The following UBTD1 variants were observed in gnomAD, a reference collection of about 807,000 sequenced individuals.
UBTD1 encodes the protein ubiquitin domain containing 1, also known as ubiquitin domain-containing protein 1.
In UBTD1, 19 loss-of-function variants were observed where a neutral mutation model predicts 21.7. That is an observed-to-expected ratio of 0.87 (90% confidence interval 0.61 to 1.28). The LOEUF (loss-of-function observed/expected upper bound fraction) is 1.28, where lower values mean the gene tolerates loss of function less well. Among genes scored for constraint, UBTD1 ranks in the 50% most tolerant of loss-of-function variants. The pLI, the probability that UBTD1 is intolerant of heterozygous loss-of-function variation, is 0.00. For missense variants in UBTD1, 282 were observed against 315.1 expected, an observed-to-expected ratio of 0.89 and a Z score of 0.80; for synonymous variants, 116 against 135.1, an observed-to-expected ratio of 0.86 and a Z score of 0.98.
At chr10:97,527,149 A>G (rs572389046) in intron 1 of UBTD1, among the ~76,000 whole-genome samples, 56 of 147,970 alleles carry the variant, frequency 3.8e-4, no homozygotes, top group African/African-American at 1.4e-3. Flanking sequence ...CAGCCTAGGC[A>G]ACAAAGCGAA....
chr10:97,551,165 C>G (rs2040635571), intron 1 of UBTD1, among the ~76,000 whole-genome samples: 1 of 152,144 alleles, frequency 6.6e-6, no homozygotes, highest in Non-Finnish European at 1.5e-5. Flanking sequence ...CCAGGAGATC[C>G]TAATACGGGA....
rs1395291976 is a variant in UBTD1 at position 97,567,937 on chromosome 10, G to C, written c.94G>C (p.Glu32Gln). 6.2e-7 allele frequency: 1 copy of C among 1,614,182 alleles called. No homozygotes were observed. Among genetic ancestry groups the C allele is most frequent in the East Asian group, 2.2e-5 (1 of 44,878 alleles). The change falls in exon 2 of 3, where the codon GAG (glutamate) becomes CAG (glutamine). Residue 32 changes from glutamate (E) to glutamine (Q), a missense_variant. By Grantham distance (29) the Glu-to-Gln change is conservative. Transcript: ENST00000370664. ...AGGACGCAATGAGCCCCTGAAGAAA[G>C]AGCGGCTTAAGTGGAAGAGCGACTA... The part of the protein sequence containing the change: ...RAGRNEPLKK[E>Q]RLKWKSDYPM...
chr10:97,517,519 G>T (rs1358296513), intron 1 of UBTD1, among the ~76,000 whole-genome samples: 1 of 152,198 alleles, frequency 6.6e-6, no homozygotes, highest in Non-Finnish European at 1.5e-5. Context: ...GAGGTGTGGG[G>T]AAGGGCTGAG....
chr10:97,505,578 G>C (rs1050163343), intron 1 of UBTD1, among the ~76,000 whole-genome samples: 2 of 152,228 alleles, frequency 1.3e-5, no homozygotes, highest in Non-Finnish European at 2.9e-5. Context: ...GCTACACAGT[G>C]TGCTCAGATA....
intron 1 of UBTD1, among the ~76,000 whole-genome samples, chr10:97,512,483 C>T (rs887567922): frequency 1.3e-5 from 2 of 152,324 alleles, no homozygotes; most frequent in Non-Finnish European, 2.9e-5. Context: ...TTGGCCATAA[C>T]TTATTGCTTG....
intron 1 of UBTD1, among the ~76,000 whole-genome samples, chr10:97,523,165 G>A (rs150910168): frequency 6.6e-6 from 1 of 152,342 alleles, no homozygotes; most frequent in East Asian, 1.9e-4. Context: ...TGCTCTGGAT[G>A]CTGCCTGCCA....
At chr10:97,562,422 C>T (rs987983899) in intron 1 of UBTD1, among the ~76,000 whole-genome samples, 4 of 152,132 alleles carry the variant, frequency 2.6e-5, no homozygotes, top group African/African-American at 7.2e-5. Flanking sequence ...GTGGCATTAT[C>T]GTTAGTTCTT....
intron 1 of UBTD1, among the ~76,000 whole-genome samples, chr10:97,547,699 G>A (rs113340751): frequency 0.015 from 2,209 of 152,106 alleles, 48 homozygotes; most frequent in African/African-American, 0.051. Context: ...TGAGTAACTG[G>A]GACTACAGGC....
At chr10:97,555,049 C>A (rs1478859316) in intron 1 of UBTD1, among the ~76,000 whole-genome samples, 1 of 152,068 alleles carries the variant, frequency 6.6e-6, no homozygotes, top group Non-Finnish European at 1.5e-5. Flanking sequence ...TGCAATCTGG[C>A]AAAGAGGAAG....
intron 1 of UBTD1, among the ~76,000 whole-genome samples, chr10:97,559,887 T>A (rs925907381): frequency 5.9e-5 from 9 of 152,206 alleles, no homozygotes; most frequent in East Asian, 1.9e-4. Flanking sequence ...TTAATTTTTT[T>A]AATCTTTTAA....
At chr10:97,530,937 G>A (rs1398423751) in intron 1 of UBTD1, among the ~76,000 whole-genome samples, 1 of 151,720 alleles carries the variant, frequency 6.6e-6, no homozygotes, top group East Asian at 1.9e-4. Context: ...GCCCAGGCTG[G>A]AGTGCAGTGG....
At chr10:97,544,625 A>C (rs2040600487) in intron 1 of UBTD1, among the ~76,000 whole-genome samples, 1 of 152,206 alleles carries the variant, frequency 6.6e-6, no homozygotes, top group African/African-American at 2.4e-5. Flanking sequence ...TGATTAACAC[A>C]TATTTTGTAT....
chr10:97,503,702 T>C (rs920462453), intron 1 of UBTD1, among the ~76,000 whole-genome samples: 2 of 152,218 alleles, frequency 1.3e-5, no homozygotes, highest in Non-Finnish European at 2.9e-5. Flanking sequence ...TCAGTAAGTA[T>C]GTACTGAGTG....
chr10:97,503,123 C>T (rs2040384483), intron 1 of UBTD1, among the ~76,000 whole-genome samples: 2 of 152,026 alleles, frequency 1.3e-5, no homozygotes, highest in African/African-American at 2.4e-5. Context: ...GCTATGTTGC[C>T]CAGGCTGGTC....
At chr10:97,506,994 T>C (rs947831554) in intron 1 of UBTD1, among the ~76,000 whole-genome samples, 7 of 152,240 alleles carry the variant, frequency 4.6e-5, no homozygotes, top group Admixed American at 6.5e-5. Context: ...GAGCAAAAGG[T>C]GAATGCTCTC....
At chr10:97,542,586 G>C (rs1203615287) in intron 1 of UBTD1, among the ~76,000 whole-genome samples, 1 of 152,220 alleles carries the variant, frequency 6.6e-6, no homozygotes, top group Non-Finnish European at 1.5e-5. Context: ...TGGGCCCCAG[G>C]CTGAGTTTAG....
chr10:97,505,083 C>T (rs1255961433), intron 1 of UBTD1, among the ~76,000 whole-genome samples: 1 of 152,130 alleles, frequency 6.6e-6, no homozygotes, highest in African/African-American at 2.4e-5. Flanking sequence ...CCTTAACTCG[C>T]AGGGCAGGGA....
intron 1 of UBTD1, among the ~76,000 whole-genome samples, chr10:97,536,694 C>T (rs565306086): frequency 8.6e-4 from 131 of 152,272 alleles, no homozygotes; most frequent in Middle Eastern, 3.4e-3. Context: ...GACTCCAGGC[C>T]GTAGATGCTT....
intron 2 of UBTD1, among the ~76,000 whole-genome samples, chr10:97,568,440 T>C (rs2040728758): frequency 6.6e-6 from 1 of 151,896 alleles, no homozygotes; most frequent in African/African-American, 2.4e-5. Context: ...TTTTTTGAGA[T>C]GGAGTCTTAC....
Sources: gnomAD v4.1 joint callset for allele counts (sites outside exome capture counted in the v4.1 genomes callset) on GRCh38, gnomAD v4.1.1 for gene constraint, MANE v1.5 for transcripts, NCBI Gene and HGNC (gene_info 2026-07-23, HGNC 2026-07-21) for gene names.